MYT1L: variants seen among roughly 807,000 people sequenced by gnomAD.
The protein encoded by MYT1L is myelin transcription factor 1 like.
In MYT1L, 12 loss-of-function variants were observed where a neutral mutation model predicts 126.7. That is an observed-to-expected ratio of 0.09 (90% CI 0.06 to 0.15). The LOEUF is 0.15. Among genes scored for constraint, MYT1L ranks in the 10% least tolerant of loss-of-function variants. The pLI is 1.00. For missense variants in MYT1L, 979 were observed against 1,585.2 expected, an observed-to-expected ratio of 0.62 and a Z score of 6.49; for synonymous variants, 541 against 604.2, an observed-to-expected ratio of 0.90 and a Z score of 1.53.
At position 1,790,132 on chromosome 2, in the gene MYT1L, G is replaced by A. The variant is rs1234339728; in HGVS notation, c.*1735C>T. ...CACGAGGAATTGCACACCTCCGTAC[G>A]GATATATAGGACAAGGTAAGTGCAA... On this transcript the variant is annotated 3_prime_UTR_variant, in exon 25 of 25. Transcript: ENST00000647738. The A allele has an allele frequency of 2.0e-5, 3 of 152,162 alleles. No individual in the cohort carries two copies. Among genetic ancestry groups the A allele is most frequent in the Admixed American group, 1.3e-4 (2 of 15,272 alleles). The allele number at this position is 152,162 out of a possible 1,614,324, so 9.4% of individuals were successfully genotyped here.
At chr2:1,794,072 C>T (rs909443885) in intron 23 of MYT1L, among the ~76,000 whole-genome samples, 1 of 152,140 alleles carries the variant, frequency 6.6e-6, no homozygotes, top group Non-Finnish European at 1.5e-5. Flanking sequence ...GCGTCATGGC[C>T]CAGGTCCCGA....
At chr2:1,944,245 C>T (rs186604311) in intron 8 of MYT1L, among the ~76,000 whole-genome samples, 18 of 152,200 alleles carry the variant, frequency 1.2e-4, no homozygotes, top group Admixed American at 9.8e-4. Flanking sequence ...CCCGACCCCA[C>T]GACAGGCCCC....
chr2:2,169,614 C>T (rs1483018388), intron 3 of MYT1L, among the ~76,000 whole-genome samples: 1 of 152,172 alleles, frequency 6.6e-6, no homozygotes, highest in South Asian at 2.1e-4. Flanking sequence ...GTATTTTATT[C>T]TCCATGTTTG....
chr2:2,089,846 T>C lies in MYT1L; in HGVS notation c.-303-35723A>G, dbSNP rs370627683. Among the ~76,000 whole-genome samples, 8 of 152,320 alleles carry C rather than the reference T, an allele frequency of 5.3e-5. No individual in the cohort carries two copies. In the East Asian group the frequency reaches 9.7e-4, roughly 18 times the overall value. On this transcript the variant is annotated intron_variant, in intron 3 of 24. Coordinates refer to ENST00000647738, the MANE Select transcript of MYT1L (RefSeq NM_001303052.2). Reference sequence around the variant, plus strand: ...TCCTCCACTGATTCATTAAATAGCCTTGGACAAGTCACTTGACCTTTTCCT... The same window carrying C: ...TCCTCCACTGATTCATTAAATAGCCCTGGACAAGTCACTTGACCTTTTCCT...
At chr2:2,204,872 A>T (rs1286937868) in intron 2 of MYT1L, among the ~76,000 whole-genome samples, 1 of 152,060 alleles carries the variant, frequency 6.6e-6, no homozygotes, top group East Asian at 1.9e-4. Context: ...CAAATGTCCA[A>T]CAATGATAGA....
intron 2 of MYT1L, among the ~76,000 whole-genome samples, chr2:2,238,835 C>A (rs1416119525): frequency 6.6e-6 from 1 of 152,218 alleles, no homozygotes; most frequent in African/African-American, 2.4e-5. Flanking sequence ...TTTTCCTTAG[C>A]AGCCCCCATA....
At chr2:1,981,525 GA>G (rs2060608428) in intron 5 of MYT1L, among the ~76,000 whole-genome samples, 1 of 152,208 alleles carries the variant, frequency 6.6e-6, no homozygotes, top group African/African-American at 2.4e-5. Flanking sequence ...CATTTGCTGG[GA>G]ATGCTGCAGG....
At chr2:2,114,714 A>C (rs1166128439) in intron 3 of MYT1L, among the ~76,000 whole-genome samples, 1 of 152,246 alleles carries the variant, frequency 6.6e-6, no homozygotes, top group Non-Finnish European at 1.5e-5. Context: ...GGATGAATGA[A>C]TCAAGAGTTG....
chr2:1,850,769 A>G (rs978502399), intron 19 of MYT1L, among the ~76,000 whole-genome samples: 1 of 152,072 alleles, frequency 6.6e-6, no homozygotes, highest in African/African-American at 2.4e-5. Flanking sequence ...CAATGATCCC[A>G]TCAAGTCCGT....
chr2:2,192,969 GTTTT>G (rs1028384914), intron 2 of MYT1L, among the ~76,000 whole-genome samples: 1 of 151,688 alleles, frequency 6.6e-6, no homozygotes, highest in African/African-American at 2.4e-5. Flanking sequence ...TTCAGGTTTT[GTTTT>G]TTTTCTTAAG....
chr2:2,327,217 T>C (rs1158935005), intron 1 of MYT1L: 1 of 152,186 alleles, frequency 6.6e-6, no homozygotes, highest in Non-Finnish European at 1.5e-5. Flanking sequence ...AACCATGATA[T>C]GTAGATATGA....
chr2:2,193,131 C>T (rs2092666395), intron 2 of MYT1L, among the ~76,000 whole-genome samples: 2 of 152,078 alleles, frequency 1.3e-5, no homozygotes, highest in South Asian at 4.1e-4. Context: ...GTGCCCACCA[C>T]CACGCCTGGC....
In MYT1L at chr2:1,798,242, G is replaced by C. The variant is rs1572333577; in HGVS notation, c.3276+3454C>G. ...GTCTCCCTCCATCCGGCACAGGCGC[G>C]GCGGTCTCCCTCCATCCGGCACAGG... On this transcript the variant is annotated intron_variant, in intron 23 of 24. Coordinates refer to ENST00000647738, the MANE Select transcript of MYT1L (RefSeq NM_001303052.2). Among the ~76,000 whole-genome samples the C allele has an allele frequency of 2.0e-5, 3 of 149,046 alleles. No individual in the cohort carries two copies. In the South Asian group the frequency reaches 6.5e-4, roughly 32 times the overall value.
chr2:2,200,830 G>C (rs1019729084), intron 2 of MYT1L, among the ~76,000 whole-genome samples: 11 of 152,180 alleles, frequency 7.2e-5, no homozygotes, highest in African/African-American at 2.2e-4. Context: ...TCTCACGCTG[G>C]AGCCATAAGG....
chr2:2,209,715 C>A (rs1460037866), intron 2 of MYT1L, among the ~76,000 whole-genome samples: 2 of 152,172 alleles, frequency 1.3e-5, no homozygotes, highest in Non-Finnish European at 2.9e-5. Flanking sequence ...ACTATTGATG[C>A]TTCCAAATGT....
At chr2:2,065,521 A>C (rs2071119421) in intron 3 of MYT1L, among the ~76,000 whole-genome samples, 1 of 152,070 alleles carries the variant, frequency 6.6e-6, no homozygotes, top group Non-Finnish European at 1.5e-5. Context: ...CTTCATCCCG[A>C]GTAGCCATTT....
intron 5 of MYT1L, among the ~76,000 whole-genome samples, chr2:1,983,601 T>C (rs763342203): frequency 6.6e-6 from 1 of 152,216 alleles, no homozygotes; most frequent in Non-Finnish European, 1.5e-5. Flanking sequence ...AGCCCCTCCA[T>C]CCTGCCCTGC....
rs140218758 is a variant in MYT1L, at chr2:2,176,938, T to C, written c.-420-3950A>G. ...ATAAAGACATCACATGAATAATCTATCCTCTAGTTTACTAGCTATTCTTAG... is the reference window on the plus strand; with the variant it reads ...ATAAAGACATCACATGAATAATCTACCCTCTAGTTTACTAGCTATTCTTAG... On this transcript the variant is annotated intron_variant, in intron 2 of 24. Coordinates refer to ENST00000647738, the MANE Select transcript of MYT1L (RefSeq NM_001303052.2). Among the ~76,000 whole-genome samples the C allele has an allele frequency of 5.3e-3, 807 of 152,322 alleles. 8 individuals are homozygous for C. Among genetic ancestry groups the C allele is most frequent in the African/African-American group, 0.019 (775 of 41,564 alleles).
intron 2 of MYT1L, among the ~76,000 whole-genome samples, chr2:2,247,658 A>G (rs2094559848): frequency 6.6e-6 from 1 of 152,252 alleles, no homozygotes; most frequent in Non-Finnish European, 1.5e-5. Context: ...CATTCAAAAA[A>G]TTGAAATAAT....
Sources: gnomAD v4.1 joint callset for allele counts (sites outside exome capture counted in the v4.1 genomes callset) on GRCh38, gnomAD v4.1.1 for gene constraint, MANE v1.5 for transcripts, NCBI Gene and HGNC (gene_info 2026-07-23, HGNC 2026-07-21) for gene names.